NOTCH2NLR: variants seen among roughly 807,000 people sequenced by gnomAD.
NOTCH2NLR encodes the protein notch 2 N-terminal like R (pseudogene).
A neutral mutation model predicts 35.6 loss-of-function variants in NOTCH2NLR; 33 were observed. The observed-to-expected ratio is 0.93, with a 90% CI of 0.70 to 1.24. The LOEUF (loss-of-function observed/expected upper bound fraction) is 1.24. NOTCH2NLR is among the 50% of genes most tolerant of loss of function. The pLI is 0.00. For synonymous variants in NOTCH2NLR, 103 were observed against 141.0 expected, an observed-to-expected ratio of 0.73 and a Z score of 1.91; for missense variants, 276 against 362.2, an observed-to-expected ratio of 0.76 and a Z score of 1.93.
intron 1 of NOTCH2NLR, among the ~76,000 whole-genome samples, chr1:120,724,468 C>A (rs1337523632): frequency 8.2e-6 from 1 of 121,366 alleles, no homozygotes; most frequent in African/African-American, 4.5e-5. Flanking sequence ...CTGCTCCCCG[C>A]GGCCCGGGAC....
chr1:120,785,254 C>A (rs1465796965), intron 3 of NOTCH2NLR, 21 bp downstream of exon 3: 1 of 1,442,948 alleles, frequency 6.9e-7, no homozygotes, highest in Non-Finnish European at 9.3e-7. Flanking sequence ...AGACCAAAGC[C>A]AGTGCTTCCC....
At chr1:120,793,760 T>G (rs1651522460) in exon 5 of NOTCH2NLR, 1 of 908,230 alleles carries the variant, frequency 1.1e-6, no homozygotes, top group East Asian at 2.5e-5. Flanking sequence ...CAGTGAGAAA[T>G]AAGAGGAACA....
chr1:120,730,665 C>G (rs1357149056), intron 1 of NOTCH2NLR, among the ~76,000 whole-genome samples: 1 of 105,556 alleles, frequency 9.5e-6, no homozygotes, highest in Non-Finnish European at 1.7e-5. Flanking sequence ...AGAGTAAAGC[C>G]AAGAAAGGGG....
At position 120,781,909 on chromosome 1, in the gene NOTCH2NLR, G is replaced by A. The variant is rs1176941323; in HGVS notation, c.156-3065G>A. ...GCTTCGAGTTCCTCATATATAAAATGGAGATTATAATATAGCACTGGAGCG... is the reference window on the plus strand; with the variant it reads ...GCTTCGAGTTCCTCATATATAAAATAGAGATTATAATATAGCACTGGAGCG... On this transcript the variant is annotated intron_variant, in intron 2 of 4. Coordinates refer to ENST00000624419, the Ensembl canonical transcript of NOTCH2NLR. 3.6e-5 allele frequency among the ~76,000 whole-genome samples: 4 copies of A among 111,468 alleles called. 2 individuals are homozygous for A. The highest frequency in any genetic ancestry group is 6.8e-5 in the Non-Finnish European group (4 of 59,154). The allele number at this position is 111,468 out of a possible 152,430, so 73.1% of individuals were successfully genotyped here. A position where few individuals can be genotyped will look rare whatever the true frequency, so the allele number is the denominator to read the frequency against.
intron 3 of NOTCH2NLR, among the ~76,000 whole-genome samples, chr1:120,790,481 C>A (rs1651474780): frequency 8.6e-6 from 1 of 116,520 alleles, no homozygotes; most frequent in Non-Finnish European, 1.6e-5. Context: ...AGTGCCTATA[C>A]ATAATATATA....
At chr1:120,753,837 TA>T (rs1651049725) in intron 1 of NOTCH2NLR, among the ~76,000 whole-genome samples, 1 of 42,924 alleles carries the variant, frequency 2.3e-5, no homozygotes, top group Non-Finnish European at 3.7e-5. Flanking sequence ...AGATTATATA[TA>T]TTTATAAATT....
At chr1:120,785,060 C>T (rs1651405935) in exon 3 of NOTCH2NLR, 1 of 1,445,710 alleles carries the variant, frequency 6.9e-7, no homozygotes, top group Non-Finnish European at 9.2e-7. Flanking sequence ...ACTTGTGTGG[C>T]CCAGGCCATG....
At chr1:120,792,576 A>C (rs2101470530) in intron 3 of NOTCH2NLR, among the ~76,000 whole-genome samples, 1 of 109,500 alleles carries the variant, frequency 9.1e-6, no homozygotes, top group East Asian at 2.2e-4. Flanking sequence ...ATCTCGGCTC[A>C]CTGCAACCTC....
Position 120,763,681 on chromosome 1 carries a change from A to G in NOTCH2NLR, c.127A>G (p.Thr43Ala). ...CTGTGTAAATAAAGGAATGTGTGTT[A>G]CCTACCACAGTGGCACAGGATACTG... is the stretch of plus-strand genomic sequence containing the variant. Residue 43 changes from threonine to alanine, a missense_variant, in exon 2 of 5, where the codon ACC becomes GCC. Physicochemically the swap from Thr to Ala is moderately conservative, Grantham distance 58. Coordinates refer to ENST00000624419, the Ensembl canonical transcript of NOTCH2NLR. 8 of 1,412,200 alleles carry G rather than the reference A, an allele frequency of 5.7e-6. 3 individuals are homozygous for G. Among genetic ancestry groups the G allele is most frequent in the Admixed American group, 3.9e-5 (2 of 50,736 alleles). The allele number at this position is 1,412,200 out of a possible 1,614,324, so 87.5% of individuals were successfully genotyped here.
intron 1 of NOTCH2NLR, among the ~76,000 whole-genome samples, chr1:120,752,655 C>T (rs1651038192): frequency 2.5e-5 from 1 of 39,318 alleles, no homozygotes; most frequent in Admixed American, 2.8e-4. Flanking sequence ...ATTGCAAGCT[C>T]CGCCTCCCGG....
chr1:120,770,569 C>A (rs1354643205), intron 2 of NOTCH2NLR, among the ~76,000 whole-genome samples: 1 of 118,516 alleles, frequency 8.4e-6, no homozygotes, highest in Admixed American at 8.0e-5. Flanking sequence ...TGCTAGCTAA[C>A]ATTATTGCAT....
rs1392863142 is a variant in NOTCH2NLR, at chr1:120,784,440, G to A, written c.156-534G>A. On this transcript the variant is annotated intron_variant, in intron 2 of 4. Transcript: ENST00000624419. Reference sequence around the variant, plus strand: ...GATATTCTTGCTGTTTCTCAAACACGCTAGGGCTGCTCTCTGTGTTATGGC... The same window carrying A: ...GATATTCTTGCTGTTTCTCAAACACACTAGGGCTGCTCTCTGTGTTATGGC... 2.0e-4 allele frequency among the ~76,000 whole-genome samples: 21 copies of A among 107,490 alleles called. 6 individuals are homozygous for A. Among genetic ancestry groups the A allele is most frequent in the African/African-American group, 2.4e-4 (4 of 16,458 alleles). 70.5% of individuals were successfully genotyped at this position (107,490 alleles called of 152,430 possible). A position where few individuals can be genotyped will look rare whatever the true frequency, so the allele number is the denominator to read the frequency against.
In NOTCH2NLR at chr1:120,763,427, A is replaced by G. The variant is rs1287419832; in HGVS notation, c.74-201A>G. On this transcript the variant is annotated intron_variant, in intron 1 of 4. Transcript: ENST00000624419. ...AGAAATAAGAGCATCATTCAAGACC[A>G]CAAATGTGGTTATTGTTGGAAGATA... is the stretch of plus-strand genomic sequence containing the variant. Among the ~76,000 whole-genome samples the G allele has an allele frequency of 3.0e-4, 33 of 109,228 alleles. 6 individuals are homozygous for G. Among genetic ancestry groups the G allele is most frequent in the Admixed American group, 1.5e-3 (17 of 11,144 alleles). The allele number at this position is 109,228 out of a possible 152,430, so 71.7% of individuals were successfully genotyped here.
Position 120,727,477 on chromosome 1 carries a change from T to C in NOTCH2NLR, c.73+3227T>C, listed in dbSNP as rs1230294929. 6.2e-5 allele frequency among the ~76,000 whole-genome samples: 7 copies of C among 112,302 alleles called. 1 individual carries two copies. Among genetic ancestry groups the C allele is most frequent in the Admixed American group, 8.6e-5 (1 of 11,630 alleles). 73.7% of individuals were successfully genotyped at this position (112,302 alleles called of 152,430 possible). A position where few individuals can be genotyped will look rare whatever the true frequency, so the allele number is the denominator to read the frequency against. On this transcript the variant is annotated intron_variant, in intron 1 of 4. Transcript: ENST00000624419. Reference sequence around the variant, plus strand: ...TTTATCTGGGTGCAGTATGTCTGCATTGACCCTTTAGAAGGGCTTCATATA... The same window carrying C: ...TTTATCTGGGTGCAGTATGTCTGCACTGACCCTTTAGAAGGGCTTCATATA...
rs1216297624 is a variant in NOTCH2NLR at position 120,724,659 on chromosome 1, G to A, written c.73+409G>A. ...GAGCGAAGGAATGCCAGATTCTGGC[G>A]TGGAGAGCGGGGGCAGGGCCGCCAA... is the stretch of plus-strand genomic sequence containing the variant. On this transcript the variant is annotated intron_variant, in intron 1 of 4. Coordinates refer to ENST00000624419, the Ensembl canonical transcript of NOTCH2NLR. Among the ~76,000 whole-genome samples the A allele has an allele frequency of 1.5e-4, 19 of 123,846 alleles. 6 individuals are homozygous for A. Among genetic ancestry groups the A allele is most frequent in the African/African-American group, 6.0e-4 (15 of 25,062 alleles). The allele number at this position is 123,846 out of a possible 152,430, so 81.2% of individuals were successfully genotyped here. A position where few individuals can be genotyped will look rare whatever the true frequency, so the allele number is the denominator to read the frequency against.
In NOTCH2NLR at chr1:120,724,279, G is replaced by C. The variant is rs1650789530; in HGVS notation, c.73+29G>C. 2.6e-5 allele frequency: 36 copies of C among 1,377,650 alleles called. 8 individuals carry two copies. Among genetic ancestry groups the C allele is most frequent in the Non-Finnish European group, 3.3e-5 (35 of 1,055,410 alleles). 85.3% of individuals were successfully genotyped at this position (1,377,650 alleles called of 1,614,324 possible). On this transcript the variant is annotated intron_variant, in intron 1 of 4. Coordinates refer to ENST00000624419, the Ensembl canonical transcript of NOTCH2NLR. ...AGTATCGGGCTGAGGGGCGCTGTCCGCGGCGCCCGGGGCTGCCACCTGGGG... is the reference window on the plus strand; with the variant it reads ...AGTATCGGGCTGAGGGGCGCTGTCCCCGGCGCCCGGGGCTGCCACCTGGGG...
In NOTCH2NLR at chr1:120,730,589, C is replaced by T. The variant is rs1335463472; in HGVS notation, c.73+6339C>T. On this transcript the variant is annotated intron_variant, in intron 1 of 4. Coordinates refer to ENST00000624419, the Ensembl canonical transcript of NOTCH2NLR. ...GGTTTGCCGTAGATCTGTTTTTTCT[C>T]CTGTCTCACTTTTTGGAGGAGAATA... 3.5e-5 allele frequency among the ~76,000 whole-genome samples: 4 copies of T among 114,558 alleles called. 2 individuals carry two copies. The highest frequency in any genetic ancestry group is 1.1e-4 in the African/African-American group (2 of 18,898). 75.2% of individuals were successfully genotyped at this position (114,558 alleles called of 152,430 possible).
exon 2 of NOTCH2NLR, chr1:120,763,629 A>T (rs1651156839): frequency 7.3e-7 from 1 of 1,366,046 alleles, no homozygotes; most frequent in Non-Finnish European, 9.9e-7. Flanking sequence ...TATTTTTAGC[A>T]TTGCAGTGTC....
At chr1:120,765,160 T>A (rs1651177087) in intron 2 of NOTCH2NLR, among the ~76,000 whole-genome samples, 1 of 121,264 alleles carries the variant, frequency 8.2e-6, no homozygotes, top group Admixed American at 7.8e-5. Context: ...TTTTTCTAGC[T>A]GGGGGAAAAA....
Sources: allele counts gnomAD v4.1 joint callset (sites outside exome capture counted in the v4.1 genomes callset), GRCh38; gene constraint gnomAD v4.1.1; transcripts MANE v1.5; gene names NCBI Gene and HGNC (gene_info 2026-07-23, HGNC 2026-07-21).